The following SUCLG2 variants were observed in gnomAD, a reference collection of about 807,000 sequenced individuals.
SUCLG2 encodes succinate--CoA ligase [GDP-forming] subunit beta, mitochondrial.
Under a neutral mutation model 47.9 loss-of-function variants are expected in SUCLG2, and 42 were observed. The observed-to-expected ratio is 0.88, with a 90% CI of 0.69 to 1.14. The LOEUF (loss-of-function observed/expected upper bound fraction) is 1.14, where lower values mean the gene tolerates loss of function less well. Ranked by LOEUF, SUCLG2 falls within the 50% of genes most tolerant of loss-of-function variation. SUCLG2 has a pLI of 0.00. For synonymous variants in SUCLG2, 195 were observed against 197.3 expected (o/e 0.99, Z 0.10); for missense variants, 571 against 525.9 (o/e 1.09, Z -0.84).
intron 1 of SUCLG2, among the ~76,000 whole-genome samples, chr3:67,638,706 C>T (rs1359536074): frequency 2.0e-5 from 3 of 152,234 alleles, no homozygotes; most frequent in East Asian, 1.9e-4. Flanking sequence ...GAAGAAATCA[C>T]GTAGACTTGG....
chr3:67,636,940 T>A (rs758438852), intron 1 of SUCLG2, among the ~76,000 whole-genome samples: 100 of 151,906 alleles, frequency 6.6e-4, no homozygotes, highest in Non-Finnish European at 1.3e-3. Flanking sequence ...CAGCTGGAAA[T>A]GGCTGCCCAG....
At chr3:67,523,738 G>A (rs1444220769) in intron 4 of SUCLG2, among the ~76,000 whole-genome samples, 5 of 152,176 alleles carry the variant, frequency 3.3e-5, no homozygotes, top group Admixed American at 1.3e-4. Flanking sequence ...AATACAAAAT[G>A]AGGAGTGTGT....
intron 2 of SUCLG2, among the ~76,000 whole-genome samples, chr3:67,588,008 TAGAGAC>T (rs1229199831): frequency 6.6e-6 from 1 of 152,202 alleles, no homozygotes; most frequent in East Asian, 1.9e-4. Context: ...GATGGTCACT[TAGAGAC>T]AGGAGAAGAT....
intron 9 of SUCLG2, among the ~76,000 whole-genome samples, chr3:67,482,569 T>A (rs1306173545): frequency 1.3e-5 from 2 of 152,206 alleles, no homozygotes; most frequent in African/African-American, 4.8e-5. Flanking sequence ...GGATTAACTA[T>A]TTGGTCGTTC....
At chr3:67,582,723 A>C (rs992858117) in intron 2 of SUCLG2, among the ~76,000 whole-genome samples, 6 of 152,146 alleles carry the variant, frequency 3.9e-5, no homozygotes, top group African/African-American at 1.4e-4. Context: ...ACTAATCTAC[A>C]TTCCCACCAG....
At chr3:67,609,711 T>C in intron 1 of SUCLG2, 115 bp from the exon 2 acceptor site, 1 of 972,602 alleles carries the variant, frequency 1.0e-6, no homozygotes, top group Non-Finnish European at 1.4e-6. Context: ...AACCCAGAGT[T>C]GAGAGAAGCA....
At chr3:67,387,691 A>G (rs1702290335) in intron 10 of SUCLG2, among the ~76,000 whole-genome samples, 1 of 152,214 alleles carries the variant, frequency 6.6e-6, no homozygotes, top group South Asian at 2.1e-4. Flanking sequence ...TATGCAAAAT[A>G]CCACATTCAA....
At chr3:67,563,959 CAAAAAAAAAAAA>C (rs756674869) in intron 2 of SUCLG2, among the ~76,000 whole-genome samples, 1 of 78,192 alleles carries the variant, frequency 1.3e-5, no homozygotes. Context: ...GACTCTGTCT[CAAAAAAAAAAAA>C]AAAAAAAGAA....
intron 9 of SUCLG2, among the ~76,000 whole-genome samples, chr3:67,479,123 C>T (rs764225865): frequency 9.9e-5 from 15 of 152,084 alleles, no homozygotes; most frequent in Non-Finnish European, 1.5e-5. Flanking sequence ...GCAATGAAGT[C>T]TCATCTTGAT....
At chr3:67,557,160 G>T (rs1707183475) in intron 2 of SUCLG2, among the ~76,000 whole-genome samples, 1 of 152,092 alleles carries the variant, frequency 6.6e-6, no homozygotes, top group East Asian at 1.9e-4. Flanking sequence ...CACTGGAAGA[G>T]GAATAAAGGA....
chr3:67,586,254 T>C (rs1048364119), intron 2 of SUCLG2, among the ~76,000 whole-genome samples: 2 of 152,202 alleles, frequency 1.3e-5, no homozygotes, highest in African/African-American at 4.8e-5. Context: ...TACAGCCAAA[T>C]TTCCCACCAC....
intron 9 of SUCLG2, among the ~76,000 whole-genome samples, chr3:67,413,702 TTCTA>T (rs1199241802): frequency 3.3e-5 from 5 of 152,208 alleles, no homozygotes; most frequent in Non-Finnish European, 7.3e-5. Flanking sequence ...CACATGGCTT[TTCTA>T]GGAACTGAGC....
chr3:67,439,109 T>G (rs1009152298), intron 9 of SUCLG2, among the ~76,000 whole-genome samples: 2 of 151,994 alleles, frequency 1.3e-5, no homozygotes, highest in East Asian at 3.9e-4. Context: ...ACGTAATCCA[T>G]CACATAAACA....
intron 10 of SUCLG2, among the ~76,000 whole-genome samples, chr3:67,389,587 C>G (rs987905354): frequency 6.6e-6 from 1 of 152,164 alleles, no homozygotes; most frequent in African/African-American, 2.4e-5. Context: ...TATCTTCCAT[C>G]TAAATTTTTC....
chr3:67,616,798 A>G (rs1700638070), intron 1 of SUCLG2, among the ~76,000 whole-genome samples: 3 of 152,222 alleles, frequency 2.0e-5, no homozygotes, highest in Admixed American at 6.5e-5. Context: ...GTTATACAGA[A>G]CTACCACCTC....
chr3:67,386,498 T>C (rs6802886), intron 10 of SUCLG2, among the ~76,000 whole-genome samples: 3,924 of 152,224 alleles, frequency 0.026, 166 homozygotes, highest in African/African-American at 0.09. Context: ...CACTGGGTAA[T>C]TGATAAAGGA....
intron 9 of SUCLG2, among the ~76,000 whole-genome samples, chr3:67,426,867 C>T (rs542558334): frequency 1.3e-5 from 2 of 152,130 alleles, no homozygotes; most frequent in South Asian, 4.2e-4. Context: ...GCGGAGGTTG[C>T]AGTGAGCTGA....
chr3:67,527,474 C>G (rs990737290), intron 4 of SUCLG2, among the ~76,000 whole-genome samples: 1 of 152,140 alleles, frequency 6.6e-6, no homozygotes, highest in Non-Finnish European at 1.5e-5. Flanking sequence ...TGTCTGGATA[C>G]ACAAAAGGGA....
chr3:67,614,251 T>G (rs753039874), intron 1 of SUCLG2, among the ~76,000 whole-genome samples: 3 of 152,102 alleles, frequency 2.0e-5, no homozygotes, highest in Non-Finnish European at 4.4e-5. Flanking sequence ...CCACAGGCTC[T>G]TCTGCCTAAA....
Sources: allele counts gnomAD v4.1 joint callset (sites outside exome capture counted in the v4.1 genomes callset), GRCh38; gene constraint gnomAD v4.1.1; transcripts MANE v1.5; gene names NCBI Gene and HGNC (gene_info 2026-07-23, HGNC 2026-07-21).